EFHC2: variants seen among roughly 807,000 people sequenced by gnomAD.
The protein encoded by EFHC2 is EF-hand domain-containing family member C2.
A neutral mutation model predicts 52.7 loss-of-function variants in EFHC2; 18 were observed. That is an observed-to-expected ratio of 0.34 (90% CI 0.24 to 0.51). The LOEUF is 0.51. EFHC2 is among the 20% of genes least tolerant of loss of function. EFHC2 has a pLI of 0.97. For missense variants in EFHC2, 513 were observed against 562.5 expected, an observed-to-expected ratio of 0.91 and a Z score of 0.89; for synonymous variants, 203 against 204.1, an observed-to-expected ratio of 0.99 and a Z score of 0.04.
chrX:44,186,960 C>T (rs1450921205), intron 11 of EFHC2, among the ~76,000 whole-genome samples: 1 of 106,633 alleles, frequency 9.4e-6, no homozygotes, highest in African/African-American at 3.5e-5. Context: ...TCTACCAAAA[C>T]GTTAAAAAAT....
intron 7 of EFHC2, among the ~76,000 whole-genome samples, chrX:44,243,075 G>T (rs915986103): frequency 9.0e-6 from 1 of 111,700 alleles, no homozygotes; most frequent in African/African-American, 3.3e-5. Flanking sequence ...GGAAAGAGAG[G>T]TGGAGAGAGA....
At chrX:44,253,029 G>T (rs1014386608) in intron 4 of EFHC2, among the ~76,000 whole-genome samples, 1 of 111,304 alleles carries the variant, frequency 9.0e-6, no homozygotes, top group Non-Finnish European at 1.9e-5. Flanking sequence ...AGCACAAGGG[G>T]TCAGGGAACT....
At chrX:44,221,717 G>A (rs891544346) in intron 11 of EFHC2, among the ~76,000 whole-genome samples, 3 of 111,482 alleles carry the variant, frequency 2.7e-5, no homozygotes, top group Non-Finnish European at 5.7e-5. Flanking sequence ...GATTGGAATT[G>A]CTTCAAATCT....
chrX:44,175,248 T>C (rs1436639547), intron 13 of EFHC2, among the ~76,000 whole-genome samples: 3 of 112,164 alleles, frequency 2.7e-5, no homozygotes, highest in East Asian at 5.6e-4. Flanking sequence ...TTAGCTGCTA[T>C]ATGTAAAGAT....
At chrX:44,156,660 T>C (rs1021513326) in intron 14 of EFHC2, among the ~76,000 whole-genome samples, 1 of 112,443 alleles carries the variant, frequency 8.9e-6, no homozygotes, top group Admixed American at 9.4e-5. Context: ...ACGATGTTCA[T>C]AAAATGAAGC....
chrX:44,303,788 G>T (rs2037885054), intron 2 of EFHC2, among the ~76,000 whole-genome samples: 1 of 111,684 alleles, frequency 9.0e-6, no homozygotes, highest in Admixed American at 9.6e-5. Context: ...ATTAATGTAA[G>T]TGATTAAAAT....
At chrX:44,191,934 T>C (rs1357647196) in intron 11 of EFHC2, among the ~76,000 whole-genome samples, 1 of 111,855 alleles carries the variant, frequency 8.9e-6, no homozygotes, top group South Asian at 3.8e-4. Flanking sequence ...TTAGTCTCCT[T>C]ATACTCTCTT....
intron 2 of EFHC2, among the ~76,000 whole-genome samples, chrX:44,290,280 T>C (rs1469181647): frequency 9.0e-6 from 1 of 111,727 alleles, no homozygotes; most frequent in African/African-American, 3.3e-5. Context: ...CATTTCATCC[T>C]TCTTCAGCAA....
At chrX:44,325,791 C>A (rs1371559312) in intron 1 of EFHC2, among the ~76,000 whole-genome samples, 2 of 104,067 alleles carry the variant, frequency 1.9e-5, no homozygotes, top group Non-Finnish European at 3.9e-5. Context: ...AATGGGACAG[C>A]TTACTAGATA....
intron 1 of EFHC2, among the ~76,000 whole-genome samples, chrX:44,335,026 C>T (rs1276463436): frequency 9.1e-6 from 1 of 110,364 alleles, no homozygotes; most frequent in Non-Finnish European, 1.9e-5. Context: ...AAATGGAGTA[C>T]TATGTAACTA....
intron 2 of EFHC2, chrX:44,309,953 C>T (rs746283772): frequency 2.5e-4 from 248 of 977,603 alleles, no homozygotes; most frequent in Non-Finnish European, 3.4e-4. Flanking sequence ...GGAGACTATA[C>T]ATTTCAGAAT....
chrX:44,194,847 A>G (rs184028025), intron 11 of EFHC2, among the ~76,000 whole-genome samples: 1 of 111,184 alleles, frequency 9.0e-6, no homozygotes, highest in African/African-American at 3.3e-5. Flanking sequence ...GGTGACTCGC[A>G]GGGTCCAATT....
intron 4 of EFHC2, among the ~76,000 whole-genome samples, chrX:44,256,751 A>G (rs2037495004): frequency 9.0e-6 from 1 of 111,404 alleles, no homozygotes; most frequent in African/African-American, 3.3e-5. Flanking sequence ...ATTCCAAACA[A>G]TAGAAAAAGA....
chrX:44,329,345 A>G lies in EFHC2; in HGVS notation c.42+14202T>C, dbSNP rs185757616. 3.8e-4 allele frequency among the ~76,000 whole-genome samples: 43 copies of G among 112,143 alleles called. No homozygotes were observed. In the East Asian group the frequency reaches 0.011, roughly 30 times the overall value. On this transcript the variant is annotated intron_variant, in intron 1 of 14. Transcript: ENST00000420999. ...AGAACTGAACCTGATATTAAGGTTT[A>G]CTATACAGATACAGTAATAAAAACT...
chrX:44,178,256 A>G, intron 12 of EFHC2, 111 bp downstream of exon 12: 2 of 698,663 alleles, frequency 2.9e-6, no homozygotes, highest in Non-Finnish European at 4.2e-6. Context: ...GAGTATGAGT[A>G]TGATGACACA....
At chrX:44,339,529 TGA>T (rs2038139759) in intron 1 of EFHC2, among the ~76,000 whole-genome samples, 1 of 110,906 alleles carries the variant, frequency 9.0e-6, no homozygotes, top group African/African-American at 3.3e-5. Context: ...TTCTTGTATT[TGA>T]GAGAGAGAAA....
chrX:44,221,219 TAGTC>T (rs1459733075), intron 11 of EFHC2, among the ~76,000 whole-genome samples: 3 of 111,616 alleles, frequency 2.7e-5, no homozygotes, highest in African/African-American at 9.8e-5. Context: ...TATTTTCTCT[TAGTC>T]TGTCCCTTGT....
chrX:44,265,933 C>G (rs1294255082), intron 3 of EFHC2, among the ~76,000 whole-genome samples: 3 of 112,087 alleles, frequency 2.7e-5, no homozygotes, highest in Non-Finnish European at 5.6e-5. Flanking sequence ...AAAAATTCCA[C>G]ATTTCTGCTC....
In EFHC2 at chrX:44,309,713, T is replaced by A. The variant is rs996495532; in HGVS notation, c.231+2855A>T. 1.2e-5 allele frequency: 12 copies of A among 1,002,744 alleles called. No homozygotes were observed. The African/African-American group carries it at 2.3e-4, about 19-fold the overall frequency. 82.6% of individuals were successfully genotyped at this position (1,002,744 alleles called of 1,213,427 possible). ...CTGCTAATAAGTTCATTGGAAAACG[T>A]GAGGCCAGGCATCGGTCCTCGTTTC... On this transcript the variant is annotated intron_variant, in intron 2 of 14. Coordinates refer to ENST00000420999, the MANE Select transcript of EFHC2 (RefSeq NM_025184.4).
Sources: allele counts gnomAD v4.1 joint callset (sites outside exome capture counted in the v4.1 genomes callset), GRCh38; gene constraint gnomAD v4.1.1; transcripts MANE v1.5; gene names NCBI Gene and HGNC (gene_info 2026-07-23, HGNC 2026-07-21).